Variants in ADAM10 observed in about 807,000 individuals in gnomAD.
ADAM10 encodes ADAM metallopeptidase domain 10, also known as disintegrin and metalloproteinase domain-containing protein 10.
In ADAM10, 17 loss-of-function variants were observed where a neutral mutation model predicts 90.1. That is an observed-to-expected ratio of 0.19 (90% CI 0.13 to 0.28). The LOEUF (loss-of-function observed/expected upper bound fraction) is 0.28. Among genes scored for constraint, ADAM10 ranks in the 10% least tolerant of loss-of-function variants. The pLI is 1.00. For synonymous variants in ADAM10, 310 were observed against 298.6 expected (o/e 1.04, Z -0.40); for missense variants, 610 against 914.3 (o/e 0.67, Z 4.29).
At chr15:58,671,317 A>G (rs1158867872) in intron 4 of ADAM10, among the ~76,000 whole-genome samples, 5 of 152,250 alleles carry the variant, frequency 3.3e-5, no homozygotes, top group African/African-American at 1.2e-4. Context: ...CCCCCAATTT[A>G]TAAATCATGA....
chr15:58,731,882 A>G (rs1276881546), intron 1 of ADAM10, among the ~76,000 whole-genome samples: 1 of 152,194 alleles, frequency 6.6e-6, no homozygotes, highest in Non-Finnish European at 1.5e-5. Context: ...CAAGGGGAAC[A>G]TTCTCTGAAT....
Position 58,749,687 on chromosome 15 carries a change from T to C in ADAM10, c.-153A>G. On this transcript the variant is annotated 5_prime_UTR_variant, in exon 1 of 16. Transcript: ENST00000260408. ...AAACGGCGAAGCACCTCCCTCTCGC[T>C]CCACTTCAGGGGCCGGCAACGCTCC... 1 of 1,444,056 alleles carries C rather than the reference T, an allele frequency of 6.9e-7. No homozygotes were observed. The highest frequency in any genetic ancestry group is 2.4e-5 in the Admixed American group (1 of 42,486). 89.5% of individuals were successfully genotyped at this position (1,444,056 alleles called of 1,614,324 possible).
rs755146411 is a variant in ADAM10, at chr15:58,611,853, T to C, written c.1650A>G (p.Pro550=). 6.2e-7 allele frequency: 1 copy of C among 1,614,248 alleles called. No individual in the cohort carries two copies. The highest frequency in any genetic ancestry group is 1.1e-5 in the South Asian group (1 of 91,090). The part of the protein sequence containing the change: ...TALCPASDPK[P]NFTDCNRHTQ... Reference sequence around the variant, plus strand: ...TATGCCTATTACAGTCTGTGAAGTTTGGTTTAGGGTCAGATGCTGGGCAGA... The same window carrying C: ...TATGCCTATTACAGTCTGTGAAGTTCGGTTTAGGGTCAGATGCTGGGCAGA... Residue 550 remains proline (P), a synonymous_variant, in exon 12 of 16, where the codon CCA becomes CCG. Transcript: ENST00000260408.
chr15:58,731,849 A>C (rs1171049865), intron 1 of ADAM10, among the ~76,000 whole-genome samples: 1 of 152,144 alleles, frequency 6.6e-6, no homozygotes, highest in Non-Finnish European at 1.5e-5. Flanking sequence ...TGGTCTTGAA[A>C]GACGTTTTTC....
At chr15:58,739,540 T>A (rs562561780) in intron 1 of ADAM10, among the ~76,000 whole-genome samples, 20 of 151,792 alleles carry the variant, frequency 1.3e-4, no homozygotes, top group African/African-American at 4.8e-4. Context: ...AATAAATAAA[T>A]AAATATTTTC....
intron 9 of ADAM10, among the ~76,000 whole-genome samples, chr15:58,631,204 T>C (rs186211718): frequency 6.6e-5 from 10 of 152,324 alleles, no homozygotes; most frequent in Non-Finnish European, 1.0e-4. Context: ...TACAGAATCA[T>C]GAGCCAAATA....
At position 58,590,973 on chromosome 15, in the gene ADAM10, G is replaced by C. The variant is rs1245169106; in HGVS notation, c.*6574C>G. On this transcript the variant is annotated 3_prime_UTR_variant, in exon 16 of 16. Coordinates refer to ENST00000260408, the MANE Select transcript of ADAM10 (RefSeq NM_001110.4). Reference sequence around the variant, plus strand: ...ATCTATTTCCACCTCCAGGGAACATGATCATTTAAACAAGAGAGGGCAGAA... The same window carrying C: ...ATCTATTTCCACCTCCAGGGAACATCATCATTTAAACAAGAGAGGGCAGAA... 1 of 152,150 alleles carries C rather than the reference G, an allele frequency of 6.6e-6. No homozygotes were observed. Among genetic ancestry groups the C allele is most frequent in the Admixed American group, 6.5e-5 (1 of 15,278 alleles). The allele number at this position is 152,150 out of a possible 1,614,324, so 9.4% of individuals were successfully genotyped here. A position where few individuals can be genotyped will look rare whatever the true frequency, so the allele number is the denominator to read the frequency against.
chr15:58,692,475 A>G (rs545257328), intron 2 of ADAM10: 3 of 520,146 alleles, frequency 5.8e-6, no homozygotes, highest in South Asian at 1.5e-5. Flanking sequence ...GCTTTTCTTT[A>G]TCATCTTTAT....
At chr15:58,736,550 A>G (rs1453907491) in intron 1 of ADAM10, among the ~76,000 whole-genome samples, 1 of 152,182 alleles carries the variant, frequency 6.6e-6, no homozygotes, top group Non-Finnish European at 1.5e-5. Context: ...CTTTTATGAA[A>G]TGCAAGCATA....
intron 2 of ADAM10, among the ~76,000 whole-genome samples, chr15:58,705,767 C>G (rs1279819371): frequency 6.6e-6 from 1 of 152,188 alleles, no homozygotes; most frequent in African/African-American, 2.4e-5. Context: ...CTCTTACCCA[C>G]ATTGTTTCAG....
intron 1 of ADAM10, among the ~76,000 whole-genome samples, chr15:58,733,456 C>T (rs746032428): frequency 2.0e-5 from 3 of 152,090 alleles, no homozygotes; most frequent in African/African-American, 7.2e-5. Context: ...AGCCAGTTTC[C>T]GAATCAGCCA....
intron 9 of ADAM10, among the ~76,000 whole-genome samples, chr15:58,628,263 G>A (rs1244374389): frequency 2.0e-5 from 3 of 152,134 alleles, no homozygotes; most frequent in Non-Finnish European, 4.4e-5. Context: ...TACATGTTAT[G>A]AATAGTTCAG....
chr15:58,688,545 A>G (rs1265802772), intron 2 of ADAM10, among the ~76,000 whole-genome samples: 1 of 151,872 alleles, frequency 6.6e-6, no homozygotes, highest in Non-Finnish European at 1.5e-5. Flanking sequence ...AGAATGAATG[A>G]TAACGGAATT....
chr15:58,735,436 G>T (rs1479652718), intron 1 of ADAM10, among the ~76,000 whole-genome samples: 3 of 152,182 alleles, frequency 2.0e-5, no homozygotes, highest in Admixed American at 1.3e-4. Context: ...TCCCTGGGGG[G>T]TTGGTTCAAG....
chr15:58,669,724 A>G (rs1227904168), intron 4 of ADAM10, among the ~76,000 whole-genome samples: 4 of 152,154 alleles, frequency 2.6e-5, no homozygotes, highest in African/African-American at 9.7e-5. Flanking sequence ...TAACCCAACC[A>G]AAATGTCCAT....
In ADAM10 at chr15:58,749,640, C is replaced by A; in HGVS notation, c.-106G>T. ...CTTGGTCCGGAGCCTCCACGGGAAG[C>A]CGGGACCTCCCCTGGCAGGAGAAAC... is the stretch of plus-strand genomic sequence containing the variant. On this transcript the variant is annotated 5_prime_UTR_variant, in exon 1 of 16. Coordinates refer to ENST00000260408, the MANE Select transcript of ADAM10 (RefSeq NM_001110.4). The A allele has an allele frequency of 6.5e-7, 1 of 1,527,508 alleles. No homozygotes were observed. The highest frequency in any genetic ancestry group is 1.2e-5 in the South Asian group (1 of 82,370). 94.6% of individuals were successfully genotyped at this position (1,527,508 alleles called of 1,614,324 possible).
At chr15:58,682,055 A>G in intron 3 of ADAM10, 141 bp downstream of exon 3, 1 of 1,154,268 alleles carries the variant, frequency 8.7e-7, no homozygotes, top group East Asian at 2.6e-5. Context: ...TTCATTTCTC[A>G]AAGACCATTA....
At chr15:58,663,761 C>T (rs1235306361) in intron 5 of ADAM10, among the ~76,000 whole-genome samples, 5 of 152,114 alleles carry the variant, frequency 3.3e-5, no homozygotes, top group Non-Finnish European at 5.9e-5. Context: ...TTACATAGGT[C>T]TTATAATTCT....
At position 58,681,067 on chromosome 15, in the gene ADAM10, T is replaced by G. The variant is rs1596061763; in HGVS notation, c.325+1129A>C. On this transcript the variant is annotated intron_variant, in intron 3 of 15. Coordinates refer to ENST00000260408, the MANE Select transcript of ADAM10 (RefSeq NM_001110.4). Reference sequence around the variant, plus strand: ...CTCAAGCAATCCTCCTGCCTCAGCCTCCCAAAGCACTGGGATTACAGGTGT... The same window carrying G: ...CTCAAGCAATCCTCCTGCCTCAGCCGCCCAAAGCACTGGGATTACAGGTGT... Among the ~76,000 whole-genome samples, 4 of 152,272 alleles carry G rather than the reference T, an allele frequency of 2.6e-5. No individual in the cohort carries two copies. The South Asian group carries it at 8.3e-4, about 32-fold the overall frequency.
Sources: gnomAD v4.1 joint callset for allele counts (sites outside exome capture counted in the v4.1 genomes callset) on GRCh38, gnomAD v4.1.1 for gene constraint, MANE v1.5 for transcripts, NCBI Gene and HGNC (gene_info 2026-07-23, HGNC 2026-07-21) for gene names.